Variants in BTRC observed in about 807,000 individuals in gnomAD.
BTRC encodes the protein F-box/WD repeat-containing protein 1A.
A neutral mutation model predicts 85.5 loss-of-function variants in BTRC; 42 were observed. The observed-to-expected ratio is 0.49, with a 90% CI of 0.38 to 0.64. BTRC has a LOEUF of 0.64. Among genes scored for constraint, BTRC ranks in the 30% least tolerant of loss-of-function variants. The pLI is 0.00. For synonymous variants in BTRC, 255 were observed against 263.3 expected, an observed-to-expected ratio of 0.97 and a Z score of 0.30; for missense variants, 594 against 743.5, an observed-to-expected ratio of 0.80 and a Z score of 2.34.
intron 1 of BTRC, among the ~76,000 whole-genome samples, chr10:101,381,962 C>CTTTTTTTTTTTTTTTT (rs71016314): frequency 8.1e-5 from 4 of 49,106 alleles, no homozygotes; most frequent in Admixed American, 3.3e-4. Context: ...CTAAGAATGT[C>CTTTTTTTTTTTTTTTT]TTTTTTTTTT....
intron 1 of BTRC, among the ~76,000 whole-genome samples, chr10:101,403,980 A>G (rs1259644761): frequency 1.6e-5 from 2 of 121,764 alleles, no homozygotes; most frequent in Non-Finnish European, 1.7e-5. Flanking sequence ...TTTTAATCCT[A>G]TCTATGTGTA....
intron 1 of BTRC, among the ~76,000 whole-genome samples, chr10:101,417,745 CG>C (rs1943985746): frequency 6.6e-6 from 1 of 152,046 alleles, no homozygotes; most frequent in Non-Finnish European, 1.5e-5. Flanking sequence ...AGTGCAGTGG[CG>C]TGATCCTCAT....
At chr10:101,383,563 G>A (rs1361963811) in intron 1 of BTRC, among the ~76,000 whole-genome samples, 3 of 151,746 alleles carry the variant, frequency 2.0e-5, no homozygotes, top group Non-Finnish European at 4.4e-5. Context: ...GCAGTGGTTC[G>A]ATCCTAGCTT....
At chr10:101,372,496 T>C (rs1490908772) in intron 1 of BTRC, among the ~76,000 whole-genome samples, 2 of 148,928 alleles carry the variant, frequency 1.3e-5, no homozygotes, top group South Asian at 2.2e-4. Context: ...CCTCGTGATC[T>C]GCCCGCCTCG....
chr10:101,519,966 G>C (rs117923713), intron 4 of BTRC, among the ~76,000 whole-genome samples: 2,218 of 152,234 alleles, frequency 0.015, 29 homozygotes, highest in Middle Eastern at 0.031. Flanking sequence ...TTGCACTCCA[G>C]TGTGGGCAAC....
intron 1 of BTRC, among the ~76,000 whole-genome samples, chr10:101,366,779 TA>T (rs1564729563): frequency 1.4e-3 from 158 of 109,868 alleles, no homozygotes; most frequent in Non-Finnish European, 2.1e-3. Flanking sequence ...TATATATATA[TA>T]TATATATATT....
intron 1 of BTRC, among the ~76,000 whole-genome samples, chr10:101,410,761 A>G (rs1001541425): frequency 2.6e-5 from 4 of 152,100 alleles, no homozygotes; most frequent in Non-Finnish European, 5.9e-5. Context: ...TCTTAGAGAT[A>G]TGATTTACAA....
At chr10:101,400,475 C>G (rs1222902152) in intron 1 of BTRC, among the ~76,000 whole-genome samples, 1 of 152,276 alleles carries the variant, frequency 6.6e-6, no homozygotes, top group East Asian at 1.9e-4. Flanking sequence ...CTCCAGATAG[C>G]TCCCTTTTGA....
chr10:101,465,278 T>A (rs1945343740), intron 3 of BTRC, among the ~76,000 whole-genome samples: 1 of 152,212 alleles, frequency 6.6e-6, no homozygotes, highest in Non-Finnish European at 1.5e-5. Context: ...AAAAGTTCAG[T>A]TATCTTCTAG....
chr10:101,442,296 ATG>A (rs139018865), intron 2 of BTRC, among the ~76,000 whole-genome samples: 22 of 141,864 alleles, frequency 1.6e-4, no homozygotes, highest in South Asian at 4.5e-4. Flanking sequence ...CTCTGTGTGT[ATG>A]TGTGTGTGTG....
chr10:101,407,048 T>A lies in BTRC; in HGVS notation c.49-23297T>A, dbSNP rs146906928. Among the ~76,000 whole-genome samples, 1,391 of 152,280 alleles carry A rather than the reference T, an allele frequency of 9.1e-3. 12 individuals carry two copies. Among genetic ancestry groups the A allele is most frequent in the Non-Finnish European group, 0.014 (980 of 68,006 alleles). On this transcript the variant is annotated intron_variant, in intron 1 of 14. Transcript: ENST00000370187. ...ACCAAGTATATACTTTTAAATTTTC[T>A]TGTAGCCACATTGAAAATGTGAAAT... is the stretch of plus-strand genomic sequence containing the variant.
At chr10:101,365,802 G>A (rs1421018516) in intron 1 of BTRC, among the ~76,000 whole-genome samples, 1 of 152,008 alleles carries the variant, frequency 6.6e-6, no homozygotes, top group Non-Finnish European at 1.5e-5. Context: ...TATGTTTTAC[G>A]GATTTTCTAC....
intron 2 of BTRC, among the ~76,000 whole-genome samples, chr10:101,452,830 T>C (rs1944984189): frequency 6.6e-6 from 1 of 152,190 alleles, no homozygotes; most frequent in Non-Finnish European, 1.5e-5. Flanking sequence ...ATAAACATGC[T>C]GGAGAAGCAA....
chr10:101,416,996 G>A (rs945306276), intron 1 of BTRC, among the ~76,000 whole-genome samples: 4 of 128,206 alleles, frequency 3.1e-5, no homozygotes, highest in African/African-American at 9.6e-5. Flanking sequence ...AGAGTTGTAA[G>A]TAAAATGCAA....
intron 13 of BTRC, among the ~76,000 whole-genome samples, chr10:101,542,880 T>G (rs1018120265): frequency 1.6e-4 from 25 of 152,236 alleles, no homozygotes; most frequent in South Asian, 2.1e-4. Flanking sequence ...TTTTTTGTTG[T>G]TGTCGTTGTT....
intron 1 of BTRC, among the ~76,000 whole-genome samples, chr10:101,394,897 G>A (rs1242428385): frequency 6.6e-6 from 1 of 152,096 alleles, no homozygotes; most frequent in Admixed American, 6.6e-5. Context: ...CTTGAGATGA[G>A]GTCTGAGGTG....
At chr10:101,453,242 G>C (rs974063097) in intron 2 of BTRC, among the ~76,000 whole-genome samples, 1 of 152,002 alleles carries the variant, frequency 6.6e-6, no homozygotes, top group African/African-American at 2.4e-5. Flanking sequence ...ACTAGAAATC[G>C]GTCTCAGGAT....
intron 13 of BTRC, among the ~76,000 whole-genome samples, chr10:101,543,043 A>C (rs2062493337): frequency 6.6e-6 from 1 of 151,968 alleles, no homozygotes; most frequent in Admixed American, 6.6e-5. Context: ...CACCTGGCTA[A>C]TTTTTTGTAT....
chr10:101,535,890 A>C lies in BTRC; in HGVS notation c.1466+418A>C, dbSNP rs1274281786. Among the ~76,000 whole-genome samples the C allele has an allele frequency of 2.0e-5, 3 of 152,212 alleles. No individual in the cohort carries two copies. In the South Asian group the frequency reaches 6.2e-4, roughly 32 times the overall value. ...GGTTTTCCCTTCACAAAGATGAATGACATAGATATGATTATAATTTGGAAG... is the reference window on the plus strand; with the variant it reads ...GGTTTTCCCTTCACAAAGATGAATGCCATAGATATGATTATAATTTGGAAG... On this transcript the variant is annotated intron_variant, in intron 11 of 14. Transcript: ENST00000370187.
Sources: allele counts gnomAD v4.1 joint callset (sites outside exome capture counted in the v4.1 genomes callset), GRCh38; gene constraint gnomAD v4.1.1; transcripts MANE v1.5; gene names NCBI Gene and HGNC (gene_info 2026-07-23, HGNC 2026-07-21).